Variants in CHRNA5 observed in about 807,000 individuals in gnomAD.
CHRNA5 encodes the protein cholinergic receptor nicotinic alpha 5 subunit.
Under a neutral mutation model 41.2 loss-of-function variants are expected in CHRNA5, and 28 were observed. The ratio of observed to expected loss-of-function variants is 0.68; its 90% CI spans 0.50 to 0.93. CHRNA5 has a LOEUF of 0.93. CHRNA5 is among the 40% of genes least tolerant of loss of function. The probability of loss-of-function intolerance (pLI) is 0.00; values close to 1 mark genes in which losing one functional copy is unlikely to be tolerated. For synonymous variants in CHRNA5, 188 were observed against 205.8 expected, an observed-to-expected ratio of 0.91 and a Z score of 0.74; for missense variants, 481 against 581.9, an observed-to-expected ratio of 0.83 and a Z score of 1.78.
chr15:78,583,234 A>G (rs1246486086), intron 2 of CHRNA5, among the ~76,000 whole-genome samples: 2 of 152,222 alleles, frequency 1.3e-5, no homozygotes, highest in African/African-American at 2.4e-5. Flanking sequence ...TCAGAAGATC[A>G]GTAAAACAGT....
At chr15:78,587,541 T>G (rs2052972359) in intron 3 of CHRNA5, among the ~76,000 whole-genome samples, 3 of 151,820 alleles carry the variant, frequency 2.0e-5, no homozygotes, top group Admixed American at 2.0e-4. Flanking sequence ...AGAGAACCAT[T>G]GGGGAGAGGG....
At chr15:78,585,214 C>T (rs2052948020) in intron 2 of CHRNA5, among the ~76,000 whole-genome samples, 1 of 152,148 alleles carries the variant, frequency 6.6e-6, no homozygotes, top group Non-Finnish European at 1.5e-5. Context: ...CGTGCCCAGC[C>T]AGCTCTAGTG....
chr15:78,575,796 A>G (rs1490566483), intron 1 of CHRNA5, among the ~76,000 whole-genome samples: 1 of 152,194 alleles, frequency 6.6e-6, no homozygotes, highest in Non-Finnish European at 1.5e-5. Flanking sequence ...ATCATATCCA[A>G]AGTTGAGTAA....
At chr15:78,580,751 A>C in intron 1 of CHRNA5, 60 bp from the exon 2 acceptor site, 1 of 1,445,172 alleles carries the variant, frequency 6.9e-7, no homozygotes, top group African/African-American at 1.4e-5. Flanking sequence ...TTTGTTTGAA[A>C]GTACAGGTAT....
chr15:78,568,463 T>A (rs576413998), intron 1 of CHRNA5, among the ~76,000 whole-genome samples: 2 of 137,190 alleles, frequency 1.5e-5, no homozygotes, highest in African/African-American at 5.2e-5. Flanking sequence ...TTTATTTTTT[T>A]AATTTTTTTT....
intron 1 of CHRNA5, among the ~76,000 whole-genome samples, chr15:78,570,967 G>A (rs1410825718): frequency 6.6e-6 from 1 of 152,180 alleles, no homozygotes; most frequent in Non-Finnish European, 1.5e-5. Context: ...GGGCAAAATT[G>A]TTCTTCACAT....
intron 2 of CHRNA5, among the ~76,000 whole-genome samples, chr15:78,585,399 G>A (rs1256404594): frequency 6.6e-6 from 1 of 152,076 alleles, no homozygotes; most frequent in East Asian, 1.9e-4. Flanking sequence ...TTGTTGGGAC[G>A]GGATAAGGAA....
At chr15:78,590,512 T>G (rs1242573862) in exon 5 of CHRNA5, 1 of 1,614,070 alleles carries the variant, frequency 6.2e-7, no homozygotes, top group African/African-American at 1.3e-5. Context: ...GACAGGTACT[T>G]CACTCAGAAA....
intron 2 of CHRNA5, among the ~76,000 whole-genome samples, chr15:78,585,040 C>T (rs539552238): frequency 3.3e-5 from 5 of 152,266 alleles, no homozygotes; most frequent in South Asian, 2.1e-4. Context: ...CCACCTCAGC[C>T]TCCTGAGTAG....
chr15:78,577,926 CA>C lies in CHRNA5; in HGVS notation c.107-2870del, dbSNP rs5813925. 2.0e-3 allele frequency among the ~76,000 whole-genome samples: 261 copies of C among 129,128 alleles called. 1 individual carries two copies. The highest frequency in any genetic ancestry group is 4.3e-3 in the African/African-American group (151 of 35,214). The allele number at this position is 129,128 out of a possible 152,430, so 84.7% of individuals were successfully genotyped here. A position where few individuals can be genotyped will look rare whatever the true frequency, so the allele number is the denominator to read the frequency against. ...AGACTGAGTGACAGAGACCCTGTCT[CA>C]AAAAAAAAAAAAAAGACATTTTATT... On this transcript the variant is annotated intron_variant, in intron 1 of 5. Coordinates refer to ENST00000299565, the Ensembl canonical transcript of CHRNA5.
chr15:78,565,695 C>T, exon 1 of CHRNA5: 1 of 1,043,578 alleles, frequency 9.6e-7, no homozygotes, highest in Non-Finnish European at 1.2e-6. Context: ...GGCGGCTGCC[C>T]GCGGTCCCGC....
intron 1 of CHRNA5, among the ~76,000 whole-genome samples, chr15:78,575,407 AG>A (rs1339938771): frequency 1.3e-5 from 2 of 152,062 alleles, no homozygotes; most frequent in Admixed American, 6.5e-5. Flanking sequence ...TCCTATTTTT[AG>A]TGTGCTTCAC....
At chr15:78,576,927 G>C (rs2052863707) in intron 1 of CHRNA5, among the ~76,000 whole-genome samples, 1 of 152,000 alleles carries the variant, frequency 6.6e-6, no homozygotes, top group Non-Finnish European at 1.5e-5. Context: ...CTTCTAAAAA[G>C]AATTTTTCCA....
At chr15:78,590,101 A>G in exon 5 of CHRNA5, 1 of 1,614,214 alleles carries the variant, frequency 6.2e-7, no homozygotes, top group Non-Finnish European at 8.5e-7. Context: ...TGTTGCTGGT[A>G]TCCGTATGTC....
At chr15:78,566,058 C>G (rs684513) in intron 1 of CHRNA5, among the ~76,000 whole-genome samples, 35,117 of 152,056 alleles carry the variant, frequency 0.23, 4,489 homozygotes, top group Admixed American at 0.4. Flanking sequence ...ACCTGCATCG[C>G]TGGAGACTAC....
chr15:78,576,487 AAATGTAAT>A (rs2052857922), intron 1 of CHRNA5, among the ~76,000 whole-genome samples: 1 of 152,204 alleles, frequency 6.6e-6, no homozygotes, highest in South Asian at 2.1e-4. Context: ...AGAAAAATTA[AAATGTAAT>A]AATGTAATAA....
chr15:78,589,853 C>T (rs1259593608), exon 5 of CHRNA5: 1 of 1,612,540 alleles, frequency 6.2e-7, no homozygotes, highest in Non-Finnish European at 8.5e-7. Context: ...TCATCAGGTA[C>T]AATGGCACTG....
At chr15:78,575,258 G>A (rs2052846745) in intron 1 of CHRNA5, among the ~76,000 whole-genome samples, 1 of 152,074 alleles carries the variant, frequency 6.6e-6, no homozygotes, top group African/African-American at 2.4e-5. Flanking sequence ...AAACCAAAAT[G>A]TAAATATATA....
In CHRNA5 at chr15:78,590,113, C is replaced by CT. The variant is rs2052997915; in HGVS notation, c.724dup (p.Tyr242LeufsTer37). ...AGCTGTTGCTGGTATCCGTATGTCACTTACTCATTTGTAATCAAGCGCCTG... is the reference window on the plus strand; with the variant it reads ...AGCTGTTGCTGGTATCCGTATGTCACTTTACTCATTTGTAATCAAGCGCCTG... On this transcript the variant is annotated frameshift_variant, in exon 5 of 6. Transcript: ENST00000299565. LOFTEE classifies it high-confidence loss of function. The CT allele has an allele frequency of 1.2e-6, 2 of 1,614,186 alleles. No homozygotes were observed. Among genetic ancestry groups the CT allele is most frequent in the African/African-American group, 2.7e-5 (2 of 75,050 alleles).
Sources: gnomAD v4.1 joint callset for allele counts (sites outside exome capture counted in the v4.1 genomes callset) on GRCh38, gnomAD v4.1.1 for gene constraint, MANE v1.5 for transcripts, NCBI Gene and HGNC (gene_info 2026-07-23, HGNC 2026-07-21) for gene names.